BRSK1: variants seen among roughly 807,000 people sequenced by gnomAD.
BRSK1 encodes BR serine/threonine kinase 1.
A neutral mutation model predicts 86.2 loss-of-function variants in BRSK1; 17 were observed. That is an observed-to-expected ratio of 0.20 (90% CI 0.14 to 0.30). BRSK1 has a LOEUF of 0.30. Among genes scored for constraint, BRSK1 ranks in the 10% least tolerant of loss-of-function variants. The pLI, the probability that BRSK1 is intolerant of heterozygous loss-of-function variation, is 1.00. For missense variants in BRSK1, 719 were observed against 1,071.9 expected, an observed-to-expected ratio of 0.67 and a Z score of 4.60; for synonymous variants, 464 against 440.1, an observed-to-expected ratio of 1.05 and a Z score of -0.68.
chr19:55,302,691 C>G lies in BRSK1; in HGVS notation c.858-6C>G. On this transcript the variant is annotated splice_polypyrimidine_tract_variant and splice_region_variant and intron_variant, in intron 9 of 18. Transcript: ENST00000309383. The surrounding 1 kb of genome is among the most constrained non-coding windows in gnomAD (Gnocchi z 6.3). ...GGTTCCCAATAATGTTTCTCCACTT[C>G]CCCAGAGGCGGGAAACACGAGCCAG... 2 of 1,601,954 alleles carry G rather than the reference C, an allele frequency of 1.2e-6. No homozygotes were observed. The highest frequency in any genetic ancestry group is 1.7e-6 in the Non-Finnish European group (2 of 1,171,654).
chr19:55,303,860 A>G lies in BRSK1; in HGVS notation c.1286+34A>G. 1.3e-6 allele frequency: 2 copies of G among 1,541,178 alleles called. No individual in the cohort carries two copies. Among genetic ancestry groups the G allele is most frequent in the Non-Finnish European group, 8.7e-7 (1 of 1,144,958 alleles). On this transcript the variant is annotated intron_variant, in intron 12 of 18. Coordinates refer to ENST00000309383, the MANE Select transcript of BRSK1 (RefSeq NM_032430.2). This position sits in a 1 kb window ranked among gnomAD's most constrained non-coding sequence, Gnocchi z 5.1. ...CCCTGTCCCTCCAGGAGGATCCACA[A>G]TCCCTGGGTCTAGGAGTTCAAGATT...
chr19:55,293,301 A>G (rs1477295957), intron 4 of BRSK1, among the ~76,000 whole-genome samples: 1 of 152,162 alleles, frequency 6.6e-6, no homozygotes, highest in East Asian at 1.9e-4. Flanking sequence ...ATTGCACTCC[A>G]GCCTAGGCAA....
At chr19:55,301,946 A>T (rs1416281905) in intron 8 of BRSK1, 191 bp from the exon 9 acceptor site, 2 of 832,218 alleles carry the variant, frequency 2.4e-6, no homozygotes, top group Non-Finnish European at 4.0e-6. Flanking sequence ...GGTCCGGGGT[A>T]CACGGAGACC....
chr19:55,306,521 G>T lies in BRSK1; in HGVS notation c.2089+71G>T. 6.5e-7 allele frequency: 1 copy of T among 1,541,826 alleles called. No homozygotes were observed. Among genetic ancestry groups the T allele is most frequent in the South Asian group, 1.1e-5 (1 of 89,156 alleles). ...TCACGACAGCTGAGACAGTGTAGGG[G>T]CCCAGGAGTGCAGCAGCAGGAGGAG... On this transcript the variant is annotated intron_variant, in intron 17 of 18. Coordinates refer to ENST00000309383, the MANE Select transcript of BRSK1 (RefSeq NM_032430.2). This position sits in a 1 kb window ranked among gnomAD's most constrained non-coding sequence, Gnocchi z 4.7.
intron 1 of BRSK1, among the ~76,000 whole-genome samples, 188 bp downstream of exon 1, chr19:55,284,766 TGGA>T (rs1027876790): frequency 2.5e-5 from 3 of 118,634 alleles, no homozygotes; most frequent in Non-Finnish European, 5.3e-5. Flanking sequence ...ACTCAGGTCC[TGGA>T]GGAGAGGGGC....
rs1168925139 is a variant in BRSK1, at chr19:55,304,927, G to A, written c.1717+7G>A. The A allele has an allele frequency of 2.5e-6, 4 of 1,605,798 alleles. No homozygotes were observed. In the South Asian group the frequency reaches 3.3e-5, roughly 13 times the overall value. On this transcript the variant is annotated splice_region_variant and intron_variant, in intron 14 of 18. Coordinates refer to ENST00000309383, the MANE Select transcript of BRSK1 (RefSeq NM_032430.2). This position sits in a 1 kb window ranked among gnomAD's most constrained non-coding sequence, Gnocchi z 5.2. ...CACCGGCGCAAGATGCAGGGTATGG[G>A]GGCATGAACTGCCGAGTCCTAATGT...
intron 18 of BRSK1, among the ~76,000 whole-genome samples, chr19:55,311,112 C>A (rs189762045): frequency 6.6e-6 from 1 of 152,224 alleles, no homozygotes; most frequent in African/African-American, 2.4e-5. Flanking sequence ...CAGGTGCGTG[C>A]CACCACACCC....
chr19:55,305,772 T>C (rs777977117), intron 16 of BRSK1, among the ~76,000 whole-genome samples, 186 bp downstream of exon 16: 9 of 152,176 alleles, frequency 5.9e-5, no homozygotes, highest in South Asian at 4.1e-4. Context: ...AGGCCTGGAA[T>C]TGGGGAAATA....
intron 14 of BRSK1, 132 bp from the exon 15 acceptor site, chr19:55,305,189 C>A: frequency 7.6e-7 from 1 of 1,320,382 alleles, no homozygotes; most frequent in Non-Finnish European, 1.1e-6. Flanking sequence ...GAGCCCCGCC[C>A]AGGAGGGATG....
chr19:55,300,146 C>T (rs2088549900), intron 7 of BRSK1, among the ~76,000 whole-genome samples: 1 of 152,178 alleles, frequency 6.6e-6, no homozygotes, highest in South Asian at 2.1e-4. Context: ...CCCAGGCCAA[C>T]TCCAGGAGGG....
chr19:55,309,591 AG>A (rs1486362705), intron 18 of BRSK1, among the ~76,000 whole-genome samples: 1 of 152,154 alleles, frequency 6.6e-6, no homozygotes, highest in Non-Finnish European at 1.5e-5. Context: ...AGAAGGGGCA[AG>A]GGAACTCTCT....
chr19:55,298,841 C>G (rs73053174), intron 7 of BRSK1, among the ~76,000 whole-genome samples: 2,214 of 152,300 alleles, frequency 0.015, 22 homozygotes, highest in Non-Finnish European at 0.022. Context: ...GCTGTGATGT[C>G]CCTTCTGGAG....
Position 55,302,614 on chromosome 19 carries a change from G to T in BRSK1, c.858-83G>T. Reference sequence around the variant, plus strand: ...GGGCCGGGGCCTAGACTCGGATTTCGGGGTCCGGGATCATTGAGTCTAGAA... The same window carrying T: ...GGGCCGGGGCCTAGACTCGGATTTCTGGGTCCGGGATCATTGAGTCTAGAA... On this transcript the variant is annotated intron_variant, in intron 9 of 18. Transcript: ENST00000309383. This position sits in a 1 kb window ranked among gnomAD's most constrained non-coding sequence, Gnocchi z 6.3. 1 of 1,503,422 alleles carries T rather than the reference G, an allele frequency of 6.7e-7. No individual in the cohort carries two copies. The highest frequency in any genetic ancestry group is 1.3e-5 in the South Asian group (1 of 77,588). 93.1% of individuals were successfully genotyped at this position (1,503,422 alleles called of 1,614,324 possible).
At chr19:55,297,877 C>T (rs915515968) in intron 7 of BRSK1, among the ~76,000 whole-genome samples, 1 of 150,052 alleles carries the variant, frequency 6.7e-6, no homozygotes, top group Non-Finnish European at 1.5e-5. Flanking sequence ...TGCAATGGTG[C>T]GATCTTGGCT....
chr19:55,309,880 C>T (rs1461138389), intron 18 of BRSK1, among the ~76,000 whole-genome samples: 2 of 152,190 alleles, frequency 1.3e-5, no homozygotes. Context: ...GGGTACTGGG[C>T]CCCATTGCAG....
chr19:55,293,049 G>A (rs1297741105), intron 4 of BRSK1, among the ~76,000 whole-genome samples: 1 of 151,670 alleles, frequency 6.6e-6, no homozygotes, highest in Non-Finnish European at 1.5e-5. Context: ...GAGAAGCAAT[G>A]CCCATCTCTA....
rs2088616288 is a variant in BRSK1 at position 55,304,429 on chromosome 19, C to G, written c.1348-122C>G. 1 of 1,216,460 alleles carries G rather than the reference C, an allele frequency of 8.2e-7. No homozygotes were observed. Among genetic ancestry groups the G allele is most frequent in the Non-Finnish European group, 1.1e-6 (1 of 899,264 alleles). The allele number at this position is 1,216,460 out of a possible 1,614,324, so 75.4% of individuals were successfully genotyped here. A position where few individuals can be genotyped will look rare whatever the true frequency, so the allele number is the denominator to read the frequency against. ...GCTCTGGGGCCTGGGAAGGAGGATA[C>G]TTGGACTACAAGTTGCAGCATGCAC... On this transcript the variant is annotated intron_variant, in intron 13 of 18. Coordinates refer to ENST00000309383, the MANE Select transcript of BRSK1 (RefSeq NM_032430.2). This position sits in a 1 kb window ranked among gnomAD's most constrained non-coding sequence, Gnocchi z 5.2.
At chr19:55,292,123 G>A (rs936457525) in intron 4 of BRSK1, among the ~76,000 whole-genome samples, 1 of 152,066 alleles carries the variant, frequency 6.6e-6, no homozygotes, top group African/African-American at 2.4e-5. Context: ...TGAAACCCTG[G>A]CCTCTAGGGG....
intron 17 of BRSK1, 94 bp from the exon 18 acceptor site, chr19:55,308,545 T>G: frequency 1.2e-6 from 1 of 844,662 alleles, no homozygotes; most frequent in Non-Finnish European, 2.0e-6. Flanking sequence ...GGGGGTGTTG[T>G]GTGCTTGGTG....
Sources: gnomAD v4.1 joint callset for allele counts (sites outside exome capture counted in the v4.1 genomes callset) on GRCh38, gnomAD v4.1.1 for gene constraint, Gnocchi (gnomAD v3.1) non-coding constraint, MANE v1.5 for transcripts, NCBI Gene and HGNC (gene_info 2026-07-23, HGNC 2026-07-21) for gene names.